TK2: variants seen among roughly 807,000 people sequenced by gnomAD.
The protein encoded by TK2 is thymidine kinase 2.
In TK2, 35 loss-of-function variants were observed where a neutral mutation model predicts 41.9. That is an observed-to-expected ratio of 0.84 (90% CI 0.64 to 1.11). The LOEUF is 1.11. Among genes scored for constraint, TK2 ranks in the 50% least tolerant of loss-of-function variants. The pLI is 0.00. For synonymous variants in TK2, 128 were observed against 129.1 expected (o/e 0.99, Z 0.06); for missense variants, 320 against 351.1 (o/e 0.91, Z 0.71).
At chr16:66,550,241 C>CAGA, upstream of TK2, 1 of 1,605,682 alleles carries the variant, frequency 6.2e-7, no homozygotes. Flanking sequence ...CGCTGGCAGC[C>CAGA]AGAAGCCTTA....
Position 66,517,719 on chromosome 16 carries a change from C to A in TK2, c.538+70G>T, listed in dbSNP as rs568632993. On this transcript the variant is annotated intron_variant, in intron 7 of 9. Transcript: ENST00000544898. This position sits in a 1 kb window ranked among gnomAD's most constrained non-coding sequence, Gnocchi z 4.3. Reference sequence around the variant, plus strand: ...CACCCACTGCCCCCAAGGGTTGGGGCCCAGCCAAGCACATCCTCAAGGGAC... The same window carrying A: ...CACCCACTGCCCCCAAGGGTTGGGGACCAGCCAAGCACATCCTCAAGGGAC... The A allele has an allele frequency of 1.1e-4, 169 of 1,477,528 alleles. No homozygotes were observed. In the East Asian group the frequency reaches 3.5e-3, roughly 31 times the overall value. The allele number at this position is 1,477,528 out of a possible 1,614,324, so 91.5% of individuals were successfully genotyped here. A position where few individuals can be genotyped will look rare whatever the true frequency, so the allele number is the denominator to read the frequency against.
chr16:66,522,686 G>A (rs1432565643), intron 6 of TK2, among the ~76,000 whole-genome samples: 3 of 152,122 alleles, frequency 2.0e-5, no homozygotes, highest in Non-Finnish European at 4.4e-5. Flanking sequence ...GACCACCATG[G>A]AGAAACCCCA....
Position 66,549,023 on chromosome 16 carries a change from GA to G in TK2, c.125-15del. On this transcript the variant is annotated splice_polypyrimidine_tract_variant and intron_variant, in intron 1 of 9. Coordinates refer to ENST00000544898, the MANE Select transcript of TK2 (RefSeq NM_004614.5). The stretch of plus-strand genomic sequence containing the variant: ...CCTGTTCTTTATCTACAAAAGAAAG[GA>G]AATCAGTTTTTAAACTCACTTTTAA... The G allele has an allele frequency of 6.2e-7, 1 of 1,613,368 alleles. No individual in the cohort carries two copies. Among genetic ancestry groups the G allele is most frequent in the Non-Finnish European group, 8.5e-7 (1 of 1,179,590 alleles).
chr16:66,532,520 G>A (rs1188988031), intron 4 of TK2, among the ~76,000 whole-genome samples: 4 of 151,886 alleles, frequency 2.6e-5, no homozygotes, highest in South Asian at 2.1e-4. Context: ...CATGAGAATC[G>A]CTTGAACCCA....
At chr16:66,535,445 G>C (rs886913901) in intron 4 of TK2, among the ~76,000 whole-genome samples, 1 of 152,104 alleles carries the variant, frequency 6.6e-6, no homozygotes, top group Non-Finnish European at 1.5e-5. Context: ...TGTTACAGAG[G>C]TTTCTTTGTT....
In TK2 at chr16:66,514,250, C is replaced by T. The variant is rs1327885820; in HGVS notation, c.619-439G>A. Among the ~76,000 whole-genome samples, 1 of 152,212 alleles carries T rather than the reference C, an allele frequency of 6.6e-6. No individual in the cohort carries two copies. Among genetic ancestry groups the T allele is most frequent in the African/African-American group, 2.4e-5 (1 of 41,458 alleles). The stretch of plus-strand genomic sequence containing the variant: ...TTCTCCTGCCTCAGCCTGCCAAGTG[C>T]CTGGGATTGCAGGCGCGCACCGCCA... On this transcript the variant is annotated intron_variant, in intron 8 of 9. Transcript: ENST00000544898. The surrounding 1 kb of genome is among the most constrained non-coding windows in gnomAD (Gnocchi z 4.2).
intron 6 of TK2, among the ~76,000 whole-genome samples, chr16:66,518,990 G>A (rs1964698452): frequency 6.6e-6 from 1 of 150,692 alleles, no homozygotes; most frequent in African/African-American, 2.4e-5. Flanking sequence ...GAGACGTAGT[G>A]TCGCTCTGTC....
chr16:66,537,622 A>G (rs984963204), intron 3 of TK2, among the ~76,000 whole-genome samples: 12 of 152,218 alleles, frequency 7.9e-5, no homozygotes, highest in African/African-American at 2.9e-4. Context: ...TCAGACACAT[A>G]TCAGGATCTC....
chr16:66,549,206 G>A (rs1162786034), intron 1 of TK2, 197 bp from the exon 2 acceptor site: 10 of 1,446,148 alleles, frequency 6.9e-6, no homozygotes, highest in Non-Finnish European at 9.1e-6. Flanking sequence ...TGCAGCTGCA[G>A]CTTCGTGGAC....
rs1205703538 is a variant in TK2, at chr16:66,514,130, C to A, written c.619-319G>T. ...AAGGCAGGACCCCCTCCCCCTCCCCCTCTCCCTCTCCCCTTTGCACGGTTT... is the reference window on the plus strand; with the variant it reads ...AAGGCAGGACCCCCTCCCCCTCCCCATCTCCCTCTCCCCTTTGCACGGTTT... On this transcript the variant is annotated intron_variant, in intron 8 of 9. Transcript: ENST00000544898. This position sits in a 1 kb window ranked among gnomAD's most constrained non-coding sequence, Gnocchi z 4.2. Among the ~76,000 whole-genome samples the A allele has an allele frequency of 6.7e-6, 1 of 150,128 alleles. No individual in the cohort carries two copies. Among genetic ancestry groups the A allele is most frequent in the Non-Finnish European group, 1.5e-5 (1 of 67,974 alleles).
intron 1 of TK2, 46 bp from the exon 2 acceptor site, chr16:66,549,055 T>C: frequency 6.2e-7 from 1 of 1,611,852 alleles, no homozygotes; most frequent in Non-Finnish European, 8.5e-7. Context: ...TTTAAATAAC[T>C]CTCCTCTGCC....
Position 66,548,972 on chromosome 16 carries a change from A to G in TK2, c.156+6T>C. 1 of 1,612,358 alleles carries G rather than the reference A, an allele frequency of 6.2e-7. No homozygotes were observed. Among genetic ancestry groups the G allele is most frequent in the Non-Finnish European group, 8.5e-7 (1 of 1,178,560 alleles). On this transcript the variant is annotated splice_donor_region_variant and intron_variant, in intron 2 of 9. Coordinates refer to ENST00000544898, the MANE Select transcript of TK2 (RefSeq NM_004614.5). ...CCTAGAGAGTACACATAAAAGAGGG[A>G]CTTACCACTGATTTTTTCTCTTTTT...
chr16:66,533,411 G>A (rs1026524932), intron 4 of TK2, among the ~76,000 whole-genome samples: 1 of 151,004 alleles, frequency 6.6e-6, no homozygotes, highest in Non-Finnish European at 1.5e-5. Context: ...AGAGCCAGGT[G>A]CAGTGGCTCA....
chr16:66,535,561 C>T (rs1357091558), intron 4 of TK2, among the ~76,000 whole-genome samples: 1 of 152,186 alleles, frequency 6.6e-6, no homozygotes, highest in Non-Finnish European at 1.5e-5. Context: ...AGAGGTTTTG[C>T]CTTATTTAAG....
At position 66,547,918 on chromosome 16, in the gene TK2, C is replaced by T. The variant is rs560118964; in HGVS notation, c.156+1060G>A. 5.0e-5 allele frequency: 64 copies of T among 1,282,284 alleles called. No homozygotes were observed. The Admixed American group carries it at 9.0e-4, about 18-fold the overall frequency. The allele number at this position is 1,282,284 out of a possible 1,614,324, so 79.4% of individuals were successfully genotyped here. A position where few individuals can be genotyped will look rare whatever the true frequency, so the allele number is the denominator to read the frequency against. On this transcript the variant is annotated intron_variant, in intron 2 of 9. Transcript: ENST00000544898. The stretch of plus-strand genomic sequence containing the variant: ...CAAAAAGCACAAAGAACAGGCCCAG[C>T]TCACATCAATGCTAGCTCAATAACT...
Position 66,517,044 on chromosome 16 carries a change from T to C in TK2, c.618+92A>G. 2.8e-6 allele frequency: 3 copies of C among 1,078,702 alleles called. No individual in the cohort carries two copies. The highest frequency in any genetic ancestry group is 4.3e-6 in the Non-Finnish European group (3 of 692,756). The allele number at this position is 1,078,702 out of a possible 1,614,324, so 66.8% of individuals were successfully genotyped here. ...TCTCTCTCTGCAAACAAGGGCACAA[T>C]GATCTCATGGGGGTGGGGCCGGGAG... On this transcript the variant is annotated intron_variant, in intron 8 of 9. Coordinates refer to ENST00000544898, the MANE Select transcript of TK2 (RefSeq NM_004614.5). The surrounding 1 kb of genome is among the most constrained non-coding windows in gnomAD (Gnocchi z 4.3).
At chr16:66,543,812 C>T (rs76995420) in intron 2 of TK2, among the ~76,000 whole-genome samples, 1,990 of 152,242 alleles carry the variant, frequency 0.013, 24 homozygotes, top group Non-Finnish European at 0.023. Context: ...GAAGGTTCCT[C>T]CTGCCTTGAT....
Position 66,511,771 on chromosome 16 carries a change from A to G in TK2, c.*197T>C. The G allele has an allele frequency of 7.8e-6, 5 of 642,554 alleles. No individual in the cohort carries two copies. The highest frequency in any genetic ancestry group is 1.4e-5 in the Non-Finnish European group (5 of 356,226). 39.8% of individuals were successfully genotyped at this position (642,554 alleles called of 1,614,324 possible). ...GAACAGCAAAGGGCTTGGCAAACCCATTGGTCCCGTTTGTCATTTACCCAC... is the reference window on the plus strand; with the variant it reads ...GAACAGCAAAGGGCTTGGCAAACCCGTTGGTCCCGTTTGTCATTTACCCAC... On this transcript the variant is annotated 3_prime_UTR_variant, in exon 10 of 10. Coordinates refer to ENST00000544898, the MANE Select transcript of TK2 (RefSeq NM_004614.5).
Position 66,520,333 on chromosome 16 carries a change from G to A in TK2, c.450-2456C>T, listed in dbSNP as rs114145538. 5.6e-3 allele frequency among the ~76,000 whole-genome samples: 848 copies of A among 152,130 alleles called. 6 individuals are homozygous for A. The highest frequency in any genetic ancestry group is 0.019 in the African/African-American group (770 of 41,480). On this transcript the variant is annotated intron_variant, in intron 6 of 9. Transcript: ENST00000544898. ...TAAAAGTAGCCCATTCTTTATTCAG[G>A]GTCCATCCACAGACCCAAGGGCTTC...
Sources: gnomAD v4.1 joint callset for allele counts (sites outside exome capture counted in the v4.1 genomes callset) on GRCh38, gnomAD v4.1.1 for gene constraint, Gnocchi (gnomAD v3.1) non-coding constraint, MANE v1.5 for transcripts, NCBI Gene and HGNC (gene_info 2026-07-23, HGNC 2026-07-21) for gene names.